Variants in PRUNE2 observed in about 807,000 individuals in gnomAD.
The protein encoded by PRUNE2 is prune homolog 2 with BCH domain.
Under a neutral mutation model 252.0 loss-of-function variants are expected in PRUNE2, and 164 were observed. The observed-to-expected ratio is 0.65, with a 90% CI of 0.57 to 0.74. The LOEUF (loss-of-function observed/expected upper bound fraction) is 0.74, where lower values mean the gene tolerates loss of function less well. PRUNE2 is among the 30% of genes least tolerant of loss of function. The pLI is 0.00. For synonymous variants in PRUNE2, 1,292 were observed against 1,350.2 expected, an observed-to-expected ratio of 0.96 and a Z score of 0.94; for missense variants, 3,495 against 3,711.0, an observed-to-expected ratio of 0.94 and a Z score of 1.51.
At chr9:76,871,362 T>G (rs1389412229) in intron 1 of PRUNE2, among the ~76,000 whole-genome samples, 1 of 152,224 alleles carries the variant, frequency 6.6e-6, no homozygotes, top group Non-Finnish European at 1.5e-5. Flanking sequence ...GGAGGAAGCA[T>G]GTCGGTTATA....
intron 1 of PRUNE2, among the ~76,000 whole-genome samples, chr9:76,895,162 C>T (rs2062743279): frequency 6.6e-6 from 1 of 152,150 alleles, no homozygotes; most frequent in African/African-American, 2.4e-5. Flanking sequence ...CCATAAGAAC[C>T]TTTCAAAGAA....
At chr9:76,864,692 G>A (rs1318054875) in intron 1 of PRUNE2, among the ~76,000 whole-genome samples, 1 of 152,132 alleles carries the variant, frequency 6.6e-6, no homozygotes, top group Non-Finnish European at 1.5e-5. Context: ...TTTTTAAAAA[G>A]ACAAACAACC....
At chr9:76,711,702 G>A (rs149444961) in intron 7 of PRUNE2, among the ~76,000 whole-genome samples, 2,045 of 152,322 alleles carry the variant, frequency 0.013, 30 homozygotes, top group Non-Finnish European at 0.02. Flanking sequence ...CAGAGATAAT[G>A]CATGTTGCTG....
At chr9:76,692,466 T>A (rs2044873061) in intron 9 of PRUNE2, 2 of 268,266 alleles carry the variant, frequency 7.5e-6, no homozygotes, top group Non-Finnish European at 1.4e-5. Context: ...AACCTCTTTT[T>A]AAAAAAAAAT....
chr9:76,850,390 G>A (rs1385327888), intron 3 of PRUNE2, 73 bp downstream of exon 3: 1 of 1,209,622 alleles, frequency 8.3e-7, no homozygotes, highest in Admixed American at 1.8e-5. Flanking sequence ...CAAAAGTCCT[G>A]AGTAAAGTGA....
intron 14 of PRUNE2, 93 bp downstream of exon 14, chr9:76,637,325 T>A: frequency 1.7e-6 from 2 of 1,205,024 alleles, no homozygotes; most frequent in East Asian, 4.7e-5. Context: ...TTTCTTCTTG[T>A]GTATAATGAA....
chr9:76,780,432 A>G (rs1032085021), intron 6 of PRUNE2, among the ~76,000 whole-genome samples: 3 of 152,186 alleles, frequency 2.0e-5, no homozygotes, highest in Non-Finnish European at 4.4e-5. Context: ...TCACGCCTGT[A>G]ATCCCAGCAC....
chr9:76,879,985 C>T (rs2133263233), intron 1 of PRUNE2, among the ~76,000 whole-genome samples: 1 of 135,692 alleles, frequency 7.4e-6, no homozygotes, highest in African/African-American at 2.8e-5. Flanking sequence ...GCAATCTCGA[C>T]TCACTGCAAG....
intron 9 of PRUNE2, among the ~76,000 whole-genome samples, chr9:76,700,586 C>T (rs1415441098): frequency 6.6e-6 from 1 of 152,016 alleles, no homozygotes; most frequent in Non-Finnish European, 1.5e-5. Flanking sequence ...CTTCATAAGC[C>T]CCTTCTGTCA....
chr9:76,739,148 A>T (rs1428378227), intron 6 of PRUNE2: 2 of 152,198 alleles, frequency 1.3e-5, no homozygotes, highest in Non-Finnish European at 2.9e-5. Flanking sequence ...CATTTTCCAC[A>T]AAGAACACCA....
intron 9 of PRUNE2, among the ~76,000 whole-genome samples, chr9:76,701,815 C>T (rs183504248): frequency 1.6e-4 from 24 of 152,264 alleles, no homozygotes; most frequent in Admixed American, 1.5e-3. Context: ...CCAAAGCTCC[C>T]CTGGACACAT....
chr9:76,882,296 T>G (rs2061835150), intron 1 of PRUNE2, among the ~76,000 whole-genome samples: 1 of 152,196 alleles, frequency 6.6e-6, no homozygotes, highest in Non-Finnish European at 1.5e-5. Context: ...TCATATATGA[T>G]GATTATAATT....
intron 6 of PRUNE2, among the ~76,000 whole-genome samples, chr9:76,819,942 C>T (rs906645117): frequency 1.4e-4 from 21 of 152,196 alleles, no homozygotes; most frequent in African/African-American, 4.8e-5. Flanking sequence ...GCAACGTTTG[C>T]TCTTTGATAT....
At chr9:76,750,704 C>T (rs2050533931) in intron 6 of PRUNE2, among the ~76,000 whole-genome samples, 1 of 152,168 alleles carries the variant, frequency 6.6e-6, no homozygotes. Context: ...AGGTACTGAA[C>T]TAAGGCAGTC....
At chr9:76,778,714 G>A (rs1255597092) in intron 6 of PRUNE2, 2 of 152,146 alleles carry the variant, frequency 1.3e-5, no homozygotes, top group African/African-American at 4.8e-5. Flanking sequence ...TACTTCACTG[G>A]GTTATTTGAA....
rs958543284 is a variant in PRUNE2, at chr9:76,638,394, G to C, written c.8729-106C>G. On this transcript the variant is annotated intron_variant, in intron 12 of 18. Coordinates refer to ENST00000376718, the MANE Select transcript of PRUNE2 (RefSeq NM_015225.3). ...AGCCTTGGCAAGTGTGTCTTTGTGG[G>C]TATATTAGCAGCATGAAATGGGGAT... The C allele has an allele frequency of 5.5e-6, 4 of 723,380 alleles. No individual in the cohort carries two copies. The African/African-American group carries it at 7.0e-5, about 13-fold the overall frequency. 44.8% of individuals were successfully genotyped at this position (723,380 alleles called of 1,614,324 possible).
chr9:76,718,396 G>A (rs200640721), intron 6 of PRUNE2, among the ~76,000 whole-genome samples: 3 of 152,122 alleles, frequency 2.0e-5, no homozygotes, highest in Non-Finnish European at 2.9e-5. Context: ...ATCTGGCTCC[G>A]TCATTTCACT....
chr9:76,852,826 A>G (rs73653228), intron 2 of PRUNE2, among the ~76,000 whole-genome samples: 8 of 147,436 alleles, frequency 5.4e-5, no homozygotes, highest in African/African-American at 1.9e-4. Context: ...CTATCTATCT[A>G]TCTATCTATC....
At position 76,613,917 on chromosome 9, in the gene PRUNE2, G is replaced by GGT; in HGVS notation, c.*652_*653insAC. The GGT allele has an allele frequency of 6.9e-6, 1 of 144,532 alleles. No homozygotes were observed. The highest frequency in any genetic ancestry group is 2.4e-4 in the South Asian group (1 of 4,118). The allele number at this position is 144,532 out of a possible 1,614,324, so 9.0% of individuals were successfully genotyped here. A position where few individuals can be genotyped will look rare whatever the true frequency, so the allele number is the denominator to read the frequency against. Reference sequence around the variant, plus strand: ...GGTCACCAACATTCATCAGGAAAATGATGTTAAAAGACCAATTTACATAAA... The same window carrying GGT: ...GGTCACCAACATTCATCAGGAAAATGGTATGTTAAAAGACCAATTTACATAAA... On this transcript the variant is annotated 3_prime_UTR_variant, in exon 19 of 19. Coordinates refer to ENST00000376718, the MANE Select transcript of PRUNE2 (RefSeq NM_015225.3).
Sources: allele counts gnomAD v4.1 joint callset (sites outside exome capture counted in the v4.1 genomes callset), GRCh38; gene constraint gnomAD v4.1.1; transcripts MANE v1.5; gene names NCBI Gene and HGNC (gene_info 2026-07-23, HGNC 2026-07-21).